Variants in TTC28 observed in about 807,000 individuals in gnomAD.
TTC28 encodes the protein tetratricopeptide repeat domain 28, also known as tetratricopeptide repeat protein 28.
TTC28 carries 61 observed loss-of-function variants against 198.0 expected under a neutral mutation model. The ratio of observed to expected loss-of-function variants is 0.31; its 90% confidence interval spans 0.25 to 0.38. The LOEUF (loss-of-function observed/expected upper bound fraction) is 0.38. Ranked by LOEUF, TTC28 falls within the 10% of genes least tolerant of loss-of-function variation. The pLI is 1.00. For synonymous variants in TTC28, 1,171 were observed against 1,297.8 expected, an observed-to-expected ratio of 0.90 and a Z score of 2.10; for missense variants, 2,678 against 3,164.0, an observed-to-expected ratio of 0.85 and a Z score of 3.69.
At chr22:28,105,834 T>C (rs1467959125) in intron 7 of TTC28, 32 bp from the exon 8 acceptor site, 2 of 1,518,804 alleles carry the variant, frequency 1.3e-6, no homozygotes, top group Middle Eastern at 1.8e-4. Flanking sequence ...AGCAATGATA[T>C]TATTTCATGC....
intron 21 of TTC28, among the ~76,000 whole-genome samples, chr22:27,987,799 G>A (rs1471760284): frequency 3.3e-5 from 5 of 152,210 alleles, no homozygotes; most frequent in Non-Finnish European, 5.9e-5. Flanking sequence ...TCTCACAGAA[G>A]TGACAAGAGA....
At chr22:28,076,600 G>A (rs1941178248) in intron 12 of TTC28, among the ~76,000 whole-genome samples, 1 of 152,008 alleles carries the variant, frequency 6.6e-6, no homozygotes, top group South Asian at 2.1e-4. Flanking sequence ...ACCCAGAGAT[G>A]GGGTCTCATT....
chr22:28,568,550 A>G (rs1249894942), intron 2 of TTC28, among the ~76,000 whole-genome samples: 2 of 152,202 alleles, frequency 1.3e-5, no homozygotes, highest in African/African-American at 4.8e-5. Context: ...AATCAGCAGC[A>G]TTTCTATACA....
intron 2 of TTC28, among the ~76,000 whole-genome samples, chr22:28,381,360 C>G (rs1238314737): frequency 6.6e-6 from 1 of 152,074 alleles, no homozygotes; most frequent in East Asian, 1.9e-4. Context: ...ACCTTAGAGG[C>G]TTCTTGCAAA....
intron 6 of TTC28, among the ~76,000 whole-genome samples, chr22:28,143,397 G>T (rs1281798185): frequency 3.9e-5 from 6 of 152,144 alleles, no homozygotes; most frequent in African/African-American, 1.4e-4. Context: ...AAGCCAGATG[G>T]TCCATGCTTA....
At chr22:28,515,916 G>A (rs2048776481) in intron 2 of TTC28, among the ~76,000 whole-genome samples, 2 of 152,116 alleles carry the variant, frequency 1.3e-5, no homozygotes, top group African/African-American at 4.8e-5. Flanking sequence ...AGCCTGAGGT[G>A]GGCAAATCAC....
At position 28,105,526 on chromosome 22, in the gene TTC28, G is replaced by T; in HGVS notation, c.3060C>A (p.His1020Gln). The T allele has an allele frequency of 6.4e-7, 1 of 1,551,662 alleles. No homozygotes were observed. Among genetic ancestry groups the T allele is most frequent in the Non-Finnish European group, 8.7e-7 (1 of 1,146,992 alleles). ...CCTCTGCTATCTGTAGATCAAGCTG[G>T]TGGTACTGCAGGGCTGTGTCATACT... ...MGEYDTALQY[H>Q]QLDLQIAEET... is the part of the protein sequence containing the mutation. The change falls in exon 8 of 23, where the codon CAC becomes CAA. Residue 1020 changes from histidine to glutamine, a missense_variant. Coordinates refer to ENST00000397906, the MANE Select transcript of TTC28 (RefSeq NM_001145418.2).
intron 3 of TTC28, among the ~76,000 whole-genome samples, chr22:28,299,400 A>C (rs970543336): frequency 5.9e-5 from 9 of 152,198 alleles, no homozygotes; most frequent in Non-Finnish European, 1.0e-4. Context: ...GAAATCTTGA[A>C]ACCTGGAAAC....
rs1442168288 is a variant in TTC28 at position 28,377,129 on chromosome 22, G to A, written c.382-70486C>T. Among the ~76,000 whole-genome samples the A allele has an allele frequency of 2.0e-5, 3 of 147,856 alleles. No individual in the cohort carries two copies. In the East Asian group the frequency reaches 5.9e-4, roughly 29 times the overall value. On this transcript the variant is annotated intron_variant, in intron 2 of 22. Transcript: ENST00000397906. ...AAAACCCATGTAATACATAGGACTAGGACATAATAGATTCTAAAGTAAAAA... is the reference window on the plus strand; with the variant it reads ...AAAACCCATGTAATACATAGGACTAAGACATAATAGATTCTAAAGTAAAAA...
chr22:28,150,496 T>G (rs1943580830), intron 6 of TTC28, among the ~76,000 whole-genome samples: 1 of 152,172 alleles, frequency 6.6e-6, no homozygotes, highest in Non-Finnish European at 1.5e-5. Flanking sequence ...CAAAAGCAAA[T>G]TCCTCTAAAG....
At chr22:28,492,474 A>T (rs1052432584) in intron 2 of TTC28, among the ~76,000 whole-genome samples, 1 of 152,156 alleles carries the variant, frequency 6.6e-6, no homozygotes, top group African/African-American at 2.4e-5. Flanking sequence ...AAATAAAATG[A>T]GATATTTTAT....
intron 2 of TTC28, among the ~76,000 whole-genome samples, chr22:28,597,288 T>C (rs893164458): frequency 7.2e-5 from 11 of 152,176 alleles, no homozygotes; most frequent in Non-Finnish European, 1.6e-4. Flanking sequence ...TTCCAGAACA[T>C]TTTCATCCTG....
chr22:28,305,970 T>G (rs1182896855), intron 3 of TTC28, among the ~76,000 whole-genome samples: 1 of 152,196 alleles, frequency 6.6e-6, no homozygotes, highest in East Asian at 1.9e-4. Context: ...TCTTGTTTTT[T>G]TCTTTTTTTA....
chr22:28,104,722 G>A (rs934962805), intron 8 of TTC28, among the ~76,000 whole-genome samples: 2 of 152,138 alleles, frequency 1.3e-5, no homozygotes, highest in African/African-American at 4.8e-5. Context: ...CAAATGCTGA[G>A]AAAGAAGCCT....
intron 12 of TTC28, among the ~76,000 whole-genome samples, chr22:28,069,423 T>C (rs1191668793): frequency 6.6e-6 from 1 of 152,150 alleles, no homozygotes; most frequent in Non-Finnish European, 1.5e-5. Context: ...AAAGAGGTCA[T>C]TTCTCTCTTC....
At chr22:28,042,512 A>G (rs1459011162) in intron 12 of TTC28, among the ~76,000 whole-genome samples, 2 of 152,098 alleles carry the variant, frequency 1.3e-5, no homozygotes, top group African/African-American at 4.8e-5. Flanking sequence ...ATTTTCACTC[A>G]TAGGTTGGAG....
At chr22:28,312,009 G>A (rs1377019001) in intron 2 of TTC28, among the ~76,000 whole-genome samples, 1 of 143,316 alleles carries the variant, frequency 7.0e-6, no homozygotes, top group Non-Finnish European at 1.5e-5. Context: ...AGGGATGGAG[G>A]AAGATCTACC....
At chr22:28,375,554 G>C (rs2046396676) in intron 2 of TTC28, among the ~76,000 whole-genome samples, 1 of 152,186 alleles carries the variant, frequency 6.6e-6, no homozygotes, top group Non-Finnish European at 1.5e-5. Context: ...TAAATAATTA[G>C]GAGAGGGGAG....
At chr22:28,149,177 T>C (rs1380521186) in intron 6 of TTC28, among the ~76,000 whole-genome samples, 2 of 152,222 alleles carry the variant, frequency 1.3e-5, no homozygotes, top group South Asian at 2.1e-4. Context: ...GTATGGAATA[T>C]TGTAGGAAAC....
Sources: allele counts gnomAD v4.1 joint callset (sites outside exome capture counted in the v4.1 genomes callset), GRCh38; gene constraint gnomAD v4.1.1; transcripts MANE v1.5; gene names NCBI Gene and HGNC (gene_info 2026-07-23, HGNC 2026-07-21).